TIMM23: variants seen among roughly 807,000 people sequenced by gnomAD.
The protein encoded by TIMM23 is translocase of inner mitochondrial membrane 23, also known as mitochondrial import inner membrane translocase subunit Tim23.
A neutral mutation model predicts 30.7 loss-of-function variants in TIMM23; 19 were observed. The ratio of observed to expected loss-of-function variants is 0.62; its 90% CI spans 0.43 to 0.91. The LOEUF (loss-of-function observed/expected upper bound fraction) is 0.91. Among genes scored for constraint, TIMM23 ranks in the 40% least tolerant of loss-of-function variants. The probability of loss-of-function intolerance (pLI) is 0.00; values close to 1 mark genes in which losing one functional copy is unlikely to be tolerated. For synonymous variants in TIMM23, 78 were observed against 98.5 expected, an observed-to-expected ratio of 0.79 and a Z score of 1.23; for missense variants, 202 against 269.2, an observed-to-expected ratio of 0.75 and a Z score of 1.75.
intron 6 of TIMM23, among the ~76,000 whole-genome samples, chr10:46,001,295 T>A (rs1838525511): frequency 6.6e-6 from 1 of 152,242 alleles, no homozygotes; most frequent in African/African-American, 2.4e-5. Context: ...TTCAAGGAGA[T>A]ACCTCATGTT....
Position 45,994,507 on chromosome 10 carries a change from A to G in TIMM23, c.514+5660A>G, listed in dbSNP as rs1245957092. On this transcript the variant is annotated intron_variant, in intron 6 of 6. Coordinates refer to ENST00000580018, the MANE Select transcript of TIMM23 (RefSeq NM_006327.4). ...CAGACTAGAGTACAGTGGTGTGATC[A>G]TGGCTCACTGCCACCTCTGCTTCCT... 9.8e-3 allele frequency among the ~76,000 whole-genome samples: 1,125 copies of G among 115,164 alleles called. 7 individuals are homozygous for G. Among genetic ancestry groups the G allele is most frequent in the Non-Finnish European group, 0.014 (777 of 56,442 alleles). The allele number at this position is 115,164 out of a possible 152,430, so 75.6% of individuals were successfully genotyped here. A position where few individuals can be genotyped will look rare whatever the true frequency, so the allele number is the denominator to read the frequency against.
intron 6 of TIMM23, among the ~76,000 whole-genome samples, chr10:46,002,094 T>C (rs1554917765): frequency 6.6e-6 from 1 of 152,190 alleles, no homozygotes; most frequent in Admixed American, 6.5e-5. Flanking sequence ...TGTCACTCAC[T>C]GTTTTTTAAT....
chr10:45,996,941 G>T (rs1590130141), intron 6 of TIMM23, among the ~76,000 whole-genome samples: 1 of 144,924 alleles, frequency 6.9e-6, no homozygotes, highest in Non-Finnish European at 1.5e-5. Flanking sequence ...CTTTAGCCTG[G>T]ACGACAGAGT....
chr10:45,983,001 A>G, intron 4 of TIMM23, 71 bp downstream of exon 4: 1 of 1,591,938 alleles, frequency 6.3e-7, no homozygotes, highest in Non-Finnish European at 8.6e-7. Flanking sequence ...TTTGATGAGT[A>G]CAACCTTGAG....
Position 45,972,494 on chromosome 10 carries a change from G to A in TIMM23, c.-131G>A. ...GAAGTGTGGCGCTTAACGGGAACCG[G>A]CGCCCGGAAGGTCAGCGTGTGAAGT... On this transcript the variant is annotated 5_prime_UTR_variant, in exon 1 of 7. Transcript: ENST00000580018. The A allele has an allele frequency of 7.1e-7, 1 of 1,411,874 alleles. No individual in the cohort carries two copies. Among genetic ancestry groups the A allele is most frequent in the Non-Finnish European group, 9.5e-7 (1 of 1,055,626 alleles). 87.5% of individuals were successfully genotyped at this position (1,411,874 alleles called of 1,614,324 possible).
Position 45,972,731 on chromosome 10 carries a change from G to A in TIMM23, c.106+1G>A. The A allele has an allele frequency of 6.2e-7, 1 of 1,613,888 alleles. No homozygotes were observed. The highest frequency in any genetic ancestry group is 8.5e-7 in the Non-Finnish European group (1 of 1,179,836). On this transcript the variant is annotated splice_donor_variant, in intron 1 of 6. Transcript: ENST00000580018. LOFTEE classifies it high-confidence loss of function. ...CACGCGGATTTGGCTGGCGTCCCGC[G>A]TAAGTATGGGGCCTAGCTTGCGATT...
Position 45,982,629 on chromosome 10 carries a change from T to C in TIMM23, c.259+13T>C, listed in dbSNP as rs1837880025. On this transcript the variant is annotated intron_variant, in intron 3 of 6. Transcript: ENST00000580018. ...TGTTGCATGACAGGTGAGTGTTACA[T>C]ACTTTTTTCTCAAGAGTGCTCAGTT... 1 of 1,613,880 alleles carries C rather than the reference T, an allele frequency of 6.2e-7. No individual in the cohort carries two copies. The highest frequency in any genetic ancestry group is 8.5e-7 in the Non-Finnish European group (1 of 1,179,854).
At chr10:45,992,730 G>A in intron 6 of TIMM23, 1 of 357,980 alleles carries the variant, frequency 2.8e-6, no homozygotes, top group Admixed American at 3.8e-5. Flanking sequence ...GCTAATTTTT[G>A]TATTTTTAGT....
chr10:45,972,742 G>T lies in TIMM23; in HGVS notation c.106+12G>T, dbSNP rs782268679. On this transcript the variant is annotated intron_variant, in intron 1 of 6. Coordinates refer to ENST00000580018, the MANE Select transcript of TIMM23 (RefSeq NM_006327.4). ...GGCTGGCGTCCCGCGTAAGTATGGG[G>T]CCTAGCTTGCGATTATTTCTGACTG... 1.2e-5 allele frequency: 20 copies of T among 1,613,618 alleles called. No homozygotes were observed. The highest frequency in any genetic ancestry group is 1.7e-5 in the Non-Finnish European group (20 of 1,179,738).
At chr10:45,973,845 G>A (rs1387540197) in intron 1 of TIMM23, among the ~76,000 whole-genome samples, 37 of 151,214 alleles carry the variant, frequency 2.4e-4, no homozygotes, top group African/African-American at 9.0e-4. Flanking sequence ...TGGAGATGGG[G>A]TCTCCCTGTG....
intron 6 of TIMM23, among the ~76,000 whole-genome samples, chr10:45,999,912 T>G (rs1838472791): frequency 6.6e-6 from 1 of 152,202 alleles, no homozygotes; most frequent in Non-Finnish European, 1.5e-5. Context: ...GGATGTTCCT[T>G]GCTGAGAAAA....
At position 45,975,411 on chromosome 10, in the gene TIMM23, T is replaced by C. The variant is rs1433023588; in HGVS notation, c.107-43T>C. The C allele has an allele frequency of 4.3e-6, 7 of 1,611,410 alleles. No individual in the cohort carries two copies. In the African/African-American group the frequency reaches 6.7e-5, roughly 15 times the overall value. On this transcript the variant is annotated intron_variant, in intron 1 of 6. Transcript: ENST00000580018. ...CTGGATTAACTCTAACTGGATTAAC[T>C]TAAAGAATTTTGTTGCAATGTGACA... is the stretch of plus-strand genomic sequence containing the variant.
intron 2 of TIMM23, among the ~76,000 whole-genome samples, chr10:45,977,206 G>C (rs1276800528): frequency 6.7e-6 from 1 of 148,932 alleles, no homozygotes; most frequent in East Asian, 1.9e-4. Context: ...CAAAATCCCA[G>C]CTGGCTTTTT....
intron 2 of TIMM23, among the ~76,000 whole-genome samples, chr10:45,978,046 A>T (rs36044989): frequency 0.27 from 41,583 of 151,656 alleles, 6,074 homozygotes; most frequent in South Asian, 0.52. Context: ...AAAAAATAAA[A>T]AAATAAATAA....
At chr10:45,976,653 G>T (rs1837681254) in intron 2 of TIMM23, among the ~76,000 whole-genome samples, 1 of 152,092 alleles carries the variant, frequency 6.6e-6, no homozygotes, top group African/African-American at 2.4e-5. Flanking sequence ...ACTTCAGCCT[G>T]TTAAATGCCA....
intron 1 of TIMM23, among the ~76,000 whole-genome samples, chr10:45,974,439 G>C (rs1362339745): frequency 6.6e-6 from 1 of 152,182 alleles, no homozygotes; most frequent in Non-Finnish European, 1.5e-5. Flanking sequence ...CAAATGTCCT[G>C]AAACAAAACA....
At chr10:45,981,935 C>T (rs1275324130) in intron 2 of TIMM23, among the ~76,000 whole-genome samples, 1 of 151,994 alleles carries the variant, frequency 6.6e-6, no homozygotes, top group Non-Finnish European at 1.5e-5. Context: ...TTTTGGATGA[C>T]CTTCCAGGGG....
At chr10:45,977,636 CTG>C (rs1165529648) in intron 2 of TIMM23, among the ~76,000 whole-genome samples, 3 of 152,220 alleles carry the variant, frequency 2.0e-5, no homozygotes, top group African/African-American at 7.2e-5. Context: ...TTGGATTAGA[CTG>C]TGATTTCTTG....
At chr10:45,998,306 T>C (rs1838409893) in intron 6 of TIMM23, 2 of 877,880 alleles carry the variant, frequency 2.3e-6, no homozygotes. Context: ...GGCACTTAAA[T>C]ATTCTGGGCC....
Sources: allele counts gnomAD v4.1 joint callset (sites outside exome capture counted in the v4.1 genomes callset), GRCh38; gene constraint gnomAD v4.1.1; transcripts MANE v1.5; gene names NCBI Gene and HGNC (gene_info 2026-07-23, HGNC 2026-07-21).